The following LGSN variants were observed in gnomAD, a reference collection of about 807,000 sequenced individuals.
LGSN encodes the protein lengsin, lens protein with glutamine synthetase domain, also known as lengsin.
Under a neutral mutation model 19.5 loss-of-function variants are expected in LGSN, and 21 were observed. That is an observed-to-expected ratio of 1.07 (90% CI 0.76 to 1.55). The LOEUF (loss-of-function observed/expected upper bound fraction) is 1.55. Among genes scored for constraint, LGSN ranks in the 40% most tolerant of loss-of-function variants. The probability of loss-of-function intolerance (pLI) is 0.00; values close to 1 mark genes in which losing one functional copy is unlikely to be tolerated. For missense variants in LGSN, 673 were observed against 608.5 expected (o/e 1.11, Z -1.12); for synonymous variants, 257 against 215.6 (o/e 1.19, Z -1.68).
At chr6:63,444,805 T>C in the LGSN span, among the ~76,000 whole-genome samples, 1 of 152,110 alleles carries the variant, frequency 6.6e-6, no homozygotes, top group Non-Finnish European at 1.5e-5. Context: ...CAAAAATACT[T>C]AGATGGAGCC....
At chr6:63,570,624 C>A in the LGSN span, among the ~76,000 whole-genome samples, 1 of 152,200 alleles carries the variant, frequency 6.6e-6, no homozygotes, top group Non-Finnish European at 1.5e-5. Flanking sequence ...CTCTGTTAAT[C>A]ATTTGCTGAG....
the LGSN span, among the ~76,000 whole-genome samples, chr6:63,412,569 A>AGAAAGAAAGAAG: frequency 7.9e-6 from 1 of 126,050 alleles, no homozygotes; most frequent in East Asian, 2.2e-4. Context: ...AAAGAAAGAA[A>AGAAAGAAAGAAG]GGAAGGAAGG....
the LGSN span, among the ~76,000 whole-genome samples, chr6:63,359,539 A>G: frequency 6.6e-6 from 1 of 152,154 alleles, no homozygotes; most frequent in Non-Finnish European, 1.5e-5. Flanking sequence ...CAGAGATTCA[A>G]CTTCTTCCTG....
At chr6:63,562,363 C>A in the LGSN span, among the ~76,000 whole-genome samples, 2 of 152,028 alleles carry the variant, frequency 1.3e-5, no homozygotes, top group Admixed American at 6.6e-5. Context: ...CCACACCCAG[C>A]TAATTTTGTA....
the LGSN span, among the ~76,000 whole-genome samples, chr6:63,412,252 A>G: frequency 6.6e-6 from 1 of 151,762 alleles, no homozygotes; most frequent in East Asian, 1.9e-4. Flanking sequence ...CTGTAATCCC[A>G]GCTACTCAGG....
upstream of LGSN, among the ~76,000 whole-genome samples, chr6:63,324,037 T>C (rs1164510727): frequency 6.6e-6 from 1 of 152,142 alleles, no homozygotes; most frequent in Admixed American, 6.5e-5. Context: ...CCTCCCAAAG[T>C]GCTGGATGAC....
chr6:63,506,992 G>A, the LGSN span, among the ~76,000 whole-genome samples: 11 of 152,068 alleles, frequency 7.2e-5, no homozygotes, highest in African/African-American at 2.7e-4. Context: ...AGGGAAGATG[G>A]GAGAGCCAAT....
At chr6:63,406,325 G>C in the LGSN span, among the ~76,000 whole-genome samples, 1 of 152,014 alleles carries the variant, frequency 6.6e-6, no homozygotes, top group East Asian at 1.9e-4. Context: ...ATAACAAACT[G>C]TCTCTCAGAC....
chr6:63,494,428 G>C, the LGSN span, among the ~76,000 whole-genome samples: 2 of 152,052 alleles, frequency 1.3e-5, no homozygotes, highest in Non-Finnish European at 2.9e-5. Flanking sequence ...AGAGGAGTAA[G>C]AGTGCCAAGA....
At chr6:63,384,796 G>C in the LGSN span, among the ~76,000 whole-genome samples, 145 of 152,296 alleles carry the variant, frequency 9.5e-4, 2 homozygotes, top group African/African-American at 3.2e-3. Flanking sequence ...GGGATTACAG[G>C]CATGAGCCAC....
At chr6:63,376,099 T>C in the LGSN span, among the ~76,000 whole-genome samples, 1 of 152,188 alleles carries the variant, frequency 6.6e-6, no homozygotes, top group East Asian at 1.9e-4. Flanking sequence ...ATATGATTCT[T>C]TACTCCACAG....
the LGSN span, among the ~76,000 whole-genome samples, chr6:63,335,648 CA>C: frequency 4.6e-5 from 7 of 151,296 alleles, no homozygotes; most frequent in African/African-American, 1.7e-4. Flanking sequence ...TGGCTATTGT[CA>C]AAAAAACAAT....
chr6:63,417,212 T>G, the LGSN span, among the ~76,000 whole-genome samples: 1 of 152,068 alleles, frequency 6.6e-6, no homozygotes, highest in Non-Finnish European at 1.5e-5. Flanking sequence ...TTAATACTTC[T>G]TCCCCCCAGC....
chr6:63,566,288 T>C, the LGSN span, among the ~76,000 whole-genome samples: 1 of 152,206 alleles, frequency 6.6e-6, no homozygotes, highest in Non-Finnish European at 1.5e-5. Context: ...CAATGTATTA[T>C]TGTGATGGAC....
chr6:63,389,501 A>C, the LGSN span, among the ~76,000 whole-genome samples: 1 of 152,244 alleles, frequency 6.6e-6, no homozygotes, highest in Non-Finnish European at 1.5e-5. Context: ...AATCTAGCAC[A>C]ATCTGATAAC....
the LGSN span, among the ~76,000 whole-genome samples, chr6:63,341,225 C>T: frequency 6.6e-6 from 1 of 152,288 alleles, no homozygotes; most frequent in East Asian, 1.9e-4. Flanking sequence ...AGATGGCACA[C>T]ATGGATGCCA....
At chr6:63,393,309 T>C in the LGSN span, among the ~76,000 whole-genome samples, 1 of 151,802 alleles carries the variant, frequency 6.6e-6, no homozygotes, top group Admixed American at 6.6e-5. Flanking sequence ...AACCTGTAGG[T>C]GAGATTACAG....
chr6:63,501,838 C>T, the LGSN span, among the ~76,000 whole-genome samples: 1 of 152,096 alleles, frequency 6.6e-6, no homozygotes, highest in South Asian at 2.1e-4. Context: ...ATTCTGTTGC[C>T]CAGGCTAGAG....
At chr6:63,489,967 C>G in the LGSN span, among the ~76,000 whole-genome samples, 1 of 152,172 alleles carries the variant, frequency 6.6e-6, no homozygotes, top group African/African-American at 2.4e-5. Flanking sequence ...GCCTCAGCCT[C>G]CCAAAGTGCT....
Sources: gnomAD v4.1 joint callset for allele counts (sites outside exome capture counted in the v4.1 genomes callset) on GRCh38, gnomAD v4.1.1 for gene constraint, MANE v1.5 for transcripts, NCBI Gene and HGNC (gene_info 2026-07-23, HGNC 2026-07-21) for gene names.